Variants in DNAH10 observed in about 807,000 individuals in gnomAD.
DNAH10 encodes axonemal beta dynein heavy chain 10.
A neutral mutation model predicts 506.6 loss-of-function variants in DNAH10; 348 were observed. That is an observed-to-expected ratio of 0.69 (90% CI 0.63 to 0.75). The LOEUF (loss-of-function observed/expected upper bound fraction) is 0.75. Among genes scored for constraint, DNAH10 ranks in the 30% least tolerant of loss-of-function variants. The pLI, the probability that DNAH10 is intolerant of heterozygous loss-of-function variation, is 0.00. For missense variants in DNAH10, 5,179 were observed against 5,787.1 expected, an observed-to-expected ratio of 0.89 and a Z score of 3.41; for synonymous variants, 2,059 against 2,198.6, an observed-to-expected ratio of 0.94 and a Z score of 1.78.
At chr12:123,914,789 C>T in intron 61 of DNAH10, 63 bp from the exon 62 acceptor site, 2 of 1,575,422 alleles carry the variant, frequency 1.3e-6, no homozygotes, top group Non-Finnish European at 1.7e-6. Context: ...AGTCCTACCA[C>T]CCTTAGCCCT....
At chr12:123,791,051 T>A (rs776682830) in intron 11 of DNAH10, among the ~76,000 whole-genome samples, 5 of 152,004 alleles carry the variant, frequency 3.3e-5, no homozygotes, top group Non-Finnish European at 7.4e-5. Flanking sequence ...CCCTTCAACC[T>A]GGGAGGCTGA....
At chr12:123,766,324 C>T (rs929328096) in intron 1 of DNAH10, among the ~76,000 whole-genome samples, 7 of 152,142 alleles carry the variant, frequency 4.6e-5, no homozygotes, top group Non-Finnish European at 8.8e-5. Context: ...TGCTTGTCAT[C>T]TATATCTGTC....
At position 123,771,706 on chromosome 12, in the gene DNAH10, T is replaced by C; in HGVS notation, c.396+8T>C. The C allele has an allele frequency of 1.2e-6, 2 of 1,602,788 alleles. No individual in the cohort carries two copies. Among genetic ancestry groups the C allele is most frequent in the Non-Finnish European group, 1.7e-6 (2 of 1,173,936 alleles). ...GAAAAACTCCCTTCCAAAGTAAGCA[T>C]GGCTCTTTGTCCTTGTTGGTGGGGT... On this transcript the variant is annotated splice_region_variant and intron_variant, in intron 3 of 78. Transcript: ENST00000673944.
intron 25 of DNAH10, among the ~76,000 whole-genome samples, chr12:123,827,522 G>C (rs1960117988): frequency 6.6e-6 from 1 of 152,236 alleles, no homozygotes; most frequent in African/African-American, 2.4e-5. Flanking sequence ...GGGTGGGACA[G>C]AGGGGGCATG....
rs1191175312 is a variant in DNAH10 at position 123,934,664 on chromosome 12, T to C, written c.13521T>C (p.Asp4507=). The C allele has an allele frequency of 1.2e-6, 2 of 1,613,570 alleles. No individual in the cohort carries two copies. The highest frequency in any genetic ancestry group is 1.7e-6 in the Non-Finnish European group (2 of 1,179,784). ...SGLYLEGADW[D]IEKGCLIKSK... is the part of the protein sequence containing the mutation. ...TGTACCTGGAAGGTGCTGACTGGGA[T>C]ATAGAAAAAGGATGTCTTATCAAGA... Residue 4507 remains aspartate (D), a synonymous_variant, in exon 78 of 79, where the codon GAT becomes GAC. Coordinates refer to ENST00000673944, the MANE Select transcript of DNAH10 (RefSeq NM_001372106.1).
chr12:123,811,074 G>A (rs1958913553), intron 19 of DNAH10, among the ~76,000 whole-genome samples: 1 of 152,148 alleles, frequency 6.6e-6, no homozygotes, highest in South Asian at 2.1e-4. Context: ...AAATGAACAT[G>A]CATGGCTAGG....
At chr12:123,822,872 T>C (rs989668749) in intron 24 of DNAH10, among the ~76,000 whole-genome samples, 1 of 152,162 alleles carries the variant, frequency 6.6e-6, no homozygotes, top group Admixed American at 6.5e-5. Context: ...CTGCAGTGGA[T>C]TGAGTGAGGC....
chr12:123,776,794 C>T (rs1957457684), intron 5 of DNAH10, among the ~76,000 whole-genome samples: 1 of 152,186 alleles, frequency 6.6e-6, no homozygotes. Context: ...AGCAAATATT[C>T]ATTGAGCACC....
At chr12:123,851,515 C>T (rs1951176909) in intron 35 of DNAH10, among the ~76,000 whole-genome samples, 1 of 152,088 alleles carries the variant, frequency 6.6e-6, no homozygotes, top group Admixed American at 6.5e-5. Context: ...GTAAGATGCA[C>T]AAGAGGTTGC....
rs80114513 is a variant in DNAH10 at position 123,817,311 on chromosome 12, C to T, written c.3781-1639C>T. 9.5e-3 allele frequency among the ~76,000 whole-genome samples: 1,428 copies of T among 151,044 alleles called. 14 individuals carry two copies. Among genetic ancestry groups the T allele is most frequent in the African/African-American group, 0.031 (1,293 of 41,236 alleles). On this transcript the variant is annotated intron_variant, in intron 21 of 78. Transcript: ENST00000673944. ...AACAGTTTTTGCCTTATTTTTTTTC[C>T]CTTCTGGGACTCCAATTCCACATAT...
At chr12:123,771,741 C>A (rs1957262150) in intron 3 of DNAH10, 43 bp downstream of exon 3, 1 of 1,467,670 alleles carries the variant, frequency 6.8e-7, no homozygotes, top group Non-Finnish European at 9.4e-7. Context: ...TAATGGGGAC[C>A]CTTGATGCCC....
intron 3 of DNAH10, among the ~76,000 whole-genome samples, chr12:123,772,446 T>C (rs1593972734): frequency 1.3e-5 from 2 of 152,206 alleles, no homozygotes; most frequent in East Asian, 3.8e-4. Context: ...AAATGAACCC[T>C]GTTCTGTGAA....
rs779083903 is a variant in DNAH10 at position 123,919,969 on chromosome 12, G to T, written c.11506+1020G>T. Among the ~76,000 whole-genome samples the T allele has an allele frequency of 6.6e-6, 1 of 152,204 alleles. No individual in the cohort carries two copies. The highest frequency in any genetic ancestry group is 2.4e-5 in the African/African-American group (1 of 41,446). On this transcript the variant is annotated intron_variant, in intron 65 of 78. Transcript: ENST00000673944. The surrounding 1 kb of genome is among the most constrained non-coding windows in gnomAD (Gnocchi z 4.9). ...ATGTGTGTTTTTAATTCTCTTGGGGGTATATCTAGAAAGGGAACTGCTGGG... is the reference window on the plus strand; with the variant it reads ...ATGTGTGTTTTTAATTCTCTTGGGGTTATATCTAGAAAGGGAACTGCTGGG...
Position 123,894,584 on chromosome 12 carries a change from A to G in DNAH10, c.9200-59A>G, listed in dbSNP as rs951984853. On this transcript the variant is annotated intron_variant, in intron 53 of 78. Transcript: ENST00000673944. ...TGATTTTTGTATTTTTTGTAGAGAC[A>G]GGGTCTCGCCACATTGCCCAGGCTG... 6 of 1,497,848 alleles carry G rather than the reference A, an allele frequency of 4.0e-6. No homozygotes were observed. In the Admixed American group the frequency reaches 1.0e-4, roughly 26 times the overall value. The allele number at this position is 1,497,848 out of a possible 1,614,324, so 92.8% of individuals were successfully genotyped here.
At chr12:123,873,835 G>T in intron 46 of DNAH10, 125 bp downstream of exon 46, 1 of 1,312,588 alleles carries the variant, frequency 7.6e-7, no homozygotes, top group Non-Finnish European at 1.0e-6. Context: ...TGTCTGCAGG[G>T]TACAGGCTGC....
rs771424352 is a variant in DNAH10, at chr12:123,853,939, C to T, written c.6438+587C>T. 4.0e-5 allele frequency among the ~76,000 whole-genome samples: 6 copies of T among 151,436 alleles called. No individual in the cohort carries two copies. The highest frequency in any genetic ancestry group is 1.3e-4 in the Admixed American group (2 of 15,232). On this transcript the variant is annotated intron_variant, in intron 36 of 78. Coordinates refer to ENST00000673944, the MANE Select transcript of DNAH10 (RefSeq NM_001372106.1). This position sits in a 1 kb window ranked among gnomAD's most constrained non-coding sequence, Gnocchi z 4.7. ...ATACGCACACGCACGCACACGCACA[C>T]GCACACACACACACATTTGGGTAGT...
At chr12:123,825,399 G>A (rs1194748072) in intron 24 of DNAH10, among the ~76,000 whole-genome samples, 2 of 152,180 alleles carry the variant, frequency 1.3e-5, no homozygotes, top group African/African-American at 4.8e-5. Context: ...CCCATTAAGT[G>A]AATGGATAAA....
chr12:123,784,232 A>G, intron 8 of DNAH10, 55 bp downstream of exon 8: 1 of 1,537,930 alleles, frequency 6.5e-7, no homozygotes, highest in South Asian at 1.1e-5. Flanking sequence ...ATTTCATATG[A>G]TTTAATTTCC....
At chr12:123,870,587 C>A in intron 44 of DNAH10, 102 bp downstream of exon 44, 1 of 1,446,304 alleles carries the variant, frequency 6.9e-7, no homozygotes. Context: ...ACTCTAAGTC[C>A]CACGCAGAGA....
Sources: gnomAD v4.1 joint callset for allele counts (sites outside exome capture counted in the v4.1 genomes callset) on GRCh38, gnomAD v4.1.1 for gene constraint, Gnocchi (gnomAD v3.1) non-coding constraint, MANE v1.5 for transcripts, NCBI Gene and HGNC (gene_info 2026-07-23, HGNC 2026-07-21) for gene names.